The following MACROD2 variants were observed in gnomAD, a reference collection of about 807,000 sequenced individuals.
MACROD2 encodes ADP-ribose glycohydrolase MACROD2.
In MACROD2, 36 loss-of-function variants were observed where a neutral mutation model predicts 70.4. That is an observed-to-expected ratio of 0.51 (90% CI 0.39 to 0.68). The LOEUF (loss-of-function observed/expected upper bound fraction) is 0.68. Among genes scored for constraint, MACROD2 ranks in the 30% least tolerant of loss-of-function variants. The probability of loss-of-function intolerance (pLI) is 0.00; values close to 1 mark genes in which losing one functional copy is unlikely to be tolerated. For synonymous variants in MACROD2, 172 were observed against 178.8 expected, an observed-to-expected ratio of 0.96 and a Z score of 0.30; for missense variants, 496 against 538.4, an observed-to-expected ratio of 0.92 and a Z score of 0.78.
intron 3 of MACROD2, among the ~76,000 whole-genome samples, chr20:14,460,486 G>A (rs1010448803): frequency 6.6e-6 from 1 of 152,072 alleles, no homozygotes; most frequent in Non-Finnish European, 1.5e-5. Flanking sequence ...GTGATGATGA[G>A]CTTTTTTTCA....
intron 5 of MACROD2, among the ~76,000 whole-genome samples, chr20:15,063,800 A>G (rs1489511184): frequency 6.6e-6 from 1 of 152,172 alleles, no homozygotes; most frequent in East Asian, 1.9e-4. Context: ...AACATCAGTA[A>G]TATTATTCAG....
At chr20:15,547,774 C>T (rs529609241) in intron 8 of MACROD2, among the ~76,000 whole-genome samples, 13 of 152,128 alleles carry the variant, frequency 8.5e-5, no homozygotes, top group South Asian at 2.1e-4. Context: ...GTAGCAGGAC[C>T]GAGCAGCTGG....
At chr20:15,824,271 GTGTT>G (rs1184825735) in intron 8 of MACROD2, among the ~76,000 whole-genome samples, 1 of 152,044 alleles carries the variant, frequency 6.6e-6, no homozygotes, top group Non-Finnish European at 1.5e-5. Flanking sequence ...GTGCGTGTGT[GTGTT>G]TGTGTATGTG....
At chr20:15,960,389 C>T (rs572648151) in intron 12 of MACROD2, among the ~76,000 whole-genome samples, 9 of 152,294 alleles carry the variant, frequency 5.9e-5, no homozygotes, top group African/African-American at 2.2e-4. Context: ...GGCTAGAAGT[C>T]AGGAGAATAG....
intron 3 of MACROD2, among the ~76,000 whole-genome samples, chr20:14,489,508 C>A (rs1264444043): frequency 1.3e-5 from 2 of 152,052 alleles, no homozygotes; most frequent in African/African-American, 4.8e-5. Context: ...TTGGGGATAA[C>A]ATGTTGTGAA....
chr20:14,447,185 A>T (rs2084192499), intron 3 of MACROD2, among the ~76,000 whole-genome samples: 1 of 151,840 alleles, frequency 6.6e-6, no homozygotes, highest in African/African-American at 2.4e-5. Context: ...CACCCAGCTA[A>T]TTTTTTGTAT....
At chr20:14,351,333 G>A (rs1328467374) in intron 3 of MACROD2, among the ~76,000 whole-genome samples, 1 of 151,908 alleles carries the variant, frequency 6.6e-6, no homozygotes, top group Non-Finnish European at 1.5e-5. Flanking sequence ...AGATTGCTCT[G>A]GGTGGTATGG....
At chr20:15,588,923 G>A (rs1039667007) in intron 8 of MACROD2, among the ~76,000 whole-genome samples, 3 of 152,208 alleles carry the variant, frequency 2.0e-5, no homozygotes, top group East Asian at 1.9e-4. Context: ...TTCCAAAGTC[G>A]CTTCCACATT....
At chr20:14,172,303 C>CTTT (rs142877520) in intron 3 of MACROD2, among the ~76,000 whole-genome samples, 1,824 of 112,164 alleles carry the variant, frequency 0.016, 156 homozygotes, top group African/African-American at 0.048. Context: ...CATTCCGTAC[C>CTTT]TTTTTTTTTT....
At chr20:15,236,086 G>A (rs1312716827) in intron 6 of MACROD2, among the ~76,000 whole-genome samples, 2 of 152,218 alleles carry the variant, frequency 1.3e-5, no homozygotes, top group Non-Finnish European at 2.9e-5. Context: ...GTTTACAGCA[G>A]TGTATTCCTA....
intron 5 of MACROD2, among the ~76,000 whole-genome samples, chr20:15,158,393 A>G (rs2076324051): frequency 6.6e-6 from 1 of 152,190 alleles, no homozygotes; most frequent in Non-Finnish European, 1.5e-5. Flanking sequence ...TTATCCCCAC[A>G]AAATCCTCCA....
intron 8 of MACROD2, among the ~76,000 whole-genome samples, chr20:15,580,123 A>C (rs1185729131): frequency 6.6e-6 from 1 of 152,212 alleles, no homozygotes; most frequent in African/African-American, 2.4e-5. Flanking sequence ...TTGCAATGTA[A>C]ATGGTTTGGA....
At chr20:15,573,767 C>G (rs908351595) in intron 8 of MACROD2, among the ~76,000 whole-genome samples, 1 of 152,182 alleles carries the variant, frequency 6.6e-6, no homozygotes, top group East Asian at 1.9e-4. Flanking sequence ...CACCACACAC[C>G]CTTATTCCTC....
At chr20:15,026,701 C>A (rs1430395758) in intron 5 of MACROD2, among the ~76,000 whole-genome samples, 1 of 151,982 alleles carries the variant, frequency 6.6e-6, no homozygotes, top group African/African-American at 2.4e-5. Context: ...CCAGGGAACT[C>A]TGCGGACTGC....
chr20:14,512,235 G>T (rs912001136), intron 4 of MACROD2, among the ~76,000 whole-genome samples: 19 of 152,134 alleles, frequency 1.2e-4, no homozygotes, highest in Admixed American at 6.6e-5. Context: ...AGAGTGATTT[G>T]TAGGAATTCA....
chr20:15,707,119 A>G (rs2050546147), intron 8 of MACROD2, among the ~76,000 whole-genome samples: 1 of 152,238 alleles, frequency 6.6e-6, no homozygotes, highest in Non-Finnish European at 1.5e-5. Flanking sequence ...ATATACATAC[A>G]TACATATAGT....
At chr20:15,493,450 A>C (rs1414186950) in intron 7 of MACROD2, among the ~76,000 whole-genome samples, 1 of 152,210 alleles carries the variant, frequency 6.6e-6, no homozygotes, top group Non-Finnish European at 1.5e-5. Flanking sequence ...CTATAGCCCC[A>C]AATAGACTTT....
chr20:14,178,219 G>T (rs550052896), intron 3 of MACROD2, among the ~76,000 whole-genome samples: 1 of 152,178 alleles, frequency 6.6e-6, no homozygotes, highest in South Asian at 2.1e-4. Context: ...TCACCACAAA[G>T]AAATGATAAA....
At chr20:15,335,476 C>T (rs1014850856) in intron 6 of MACROD2, among the ~76,000 whole-genome samples, 1 of 150,600 alleles carries the variant, frequency 6.6e-6, no homozygotes, top group East Asian at 2.0e-4. Context: ...TGTAATATTT[C>T]TTTTTTTTGC....
Sources: allele counts gnomAD v4.1 joint callset (sites outside exome capture counted in the v4.1 genomes callset), GRCh38; gene constraint gnomAD v4.1.1; transcripts MANE v1.5; gene names NCBI Gene and HGNC (gene_info 2026-07-23, HGNC 2026-07-21).